Variants in DPP10 observed in about 807,000 individuals in gnomAD.
The protein encoded by DPP10 is dipeptidyl peptidase like 10.
In DPP10, 33 loss-of-function variants were observed where a neutral mutation model predicts 120.9. The observed-to-expected ratio is 0.27, with a 90% CI of 0.21 to 0.37. DPP10 has a LOEUF of 0.37. Among genes scored for constraint, DPP10 ranks in the 10% least tolerant of loss-of-function variants. The probability of loss-of-function intolerance (pLI) is 1.00; values close to 1 mark genes in which losing one functional copy is unlikely to be tolerated. For synonymous variants in DPP10, 337 were observed against 326.1 expected, an observed-to-expected ratio of 1.03 and a Z score of -0.36; for missense variants, 816 against 942.8, an observed-to-expected ratio of 0.87 and a Z score of 1.76.
intron 1 of DPP10, among the ~76,000 whole-genome samples, chr2:114,633,596 T>C (rs2105388581): frequency 6.6e-6 from 1 of 151,454 alleles, no homozygotes; most frequent in South Asian, 2.1e-4. Flanking sequence ...TAACTTTTTG[T>C]GGATTTTATT....
intron 3 of DPP10, among the ~76,000 whole-genome samples, chr2:115,348,033 C>G (rs982945310): frequency 6.6e-6 from 1 of 151,976 alleles, no homozygotes; most frequent in Non-Finnish European, 1.5e-5. Context: ...AATCTGGTTT[C>G]TATTACTTGC....
At chr2:115,607,403 A>G (rs994456398) in intron 5 of DPP10, among the ~76,000 whole-genome samples, 2 of 152,220 alleles carry the variant, frequency 1.3e-5, no homozygotes, top group Admixed American at 6.5e-5. Flanking sequence ...ACACAGATAT[A>G]TAGGGAGAGA....
intron 1 of DPP10, among the ~76,000 whole-genome samples, chr2:114,620,670 C>T (rs899372258): frequency 1.3e-5 from 2 of 151,986 alleles, no homozygotes; most frequent in Non-Finnish European, 2.9e-5. Flanking sequence ...AGAGTATATT[C>T]AGAGAGTTTC....
chr2:115,803,401 C>T (rs139044592), intron 19 of DPP10, among the ~76,000 whole-genome samples: 12,249 of 152,084 alleles, frequency 0.081, 655 homozygotes, highest in Non-Finnish European at 0.12. Context: ...ACAGTCTGTG[C>T]CTTTTAATTG....
intron 1 of DPP10, among the ~76,000 whole-genome samples, chr2:114,917,861 GA>G (rs1694919305): frequency 6.6e-6 from 1 of 152,004 alleles, no homozygotes; most frequent in Non-Finnish European, 1.5e-5. Context: ...ATTCCTAGGA[GA>G]AAACCTAGGA....
chr2:115,530,055 T>C (rs2078367713), intron 5 of DPP10, among the ~76,000 whole-genome samples: 1 of 152,130 alleles, frequency 6.6e-6, no homozygotes, highest in South Asian at 2.1e-4. Flanking sequence ...ATTCTTATGG[T>C]CTTTTTTTTC....
intron 1 of DPP10, among the ~76,000 whole-genome samples, chr2:114,969,187 C>T (rs188388103): frequency 6.6e-6 from 1 of 152,312 alleles, no homozygotes; most frequent in East Asian, 1.9e-4. Context: ...ATGTCATATA[C>T]TTGTCACACA....
At chr2:115,778,826 A>G (rs545604086) in intron 15 of DPP10, among the ~76,000 whole-genome samples, 1 of 152,090 alleles carries the variant, frequency 6.6e-6, no homozygotes, top group African/African-American at 2.4e-5. Context: ...CATTATTATA[A>G]GTTTATTCTC....
intron 5 of DPP10, among the ~76,000 whole-genome samples, chr2:115,603,570 G>GTTTT (rs61548055): frequency 1.0e-4 from 10 of 99,292 alleles, no homozygotes; most frequent in African/African-American, 1.6e-4. Flanking sequence ...GTTTTTTTTT[G>GTTTT]TTTTTTTTTT....
intron 1 of DPP10, among the ~76,000 whole-genome samples, chr2:114,729,185 G>A (rs1350537374): frequency 6.6e-6 from 1 of 152,242 alleles, no homozygotes; most frequent in Non-Finnish European, 1.5e-5. Flanking sequence ...AATACTTGCT[G>A]AGTACCTAAT....
intron 1 of DPP10, among the ~76,000 whole-genome samples, chr2:115,246,849 A>G (rs751379590): frequency 1.1e-4 from 17 of 152,156 alleles, no homozygotes; most frequent in Non-Finnish European, 2.1e-4. Flanking sequence ...AGAGGGTTGA[A>G]GAAAATCAAA....
intron 3 of DPP10, among the ~76,000 whole-genome samples, chr2:115,480,936 T>A (rs1462400009): frequency 6.6e-6 from 1 of 152,146 alleles, no homozygotes; most frequent in Admixed American, 6.6e-5. Context: ...GATCTTTAGC[T>A]CTTGCATAAA....
intron 5 of DPP10, among the ~76,000 whole-genome samples, chr2:115,545,920 GT>G: frequency 6.6e-6 from 1 of 152,112 alleles, no homozygotes; most frequent in Non-Finnish European, 1.5e-5. Context: ...AGATGTCATG[GT>G]CCCCCCTTTA....
chr2:115,289,038 G>GAAAACCCT (rs1160143692), intron 1 of DPP10, among the ~76,000 whole-genome samples: 2 of 152,046 alleles, frequency 1.3e-5, no homozygotes, highest in African/African-American at 4.8e-5. Flanking sequence ...CTTGTACCCA[G>GAAAACCCT]AAAACCCTAA....
At chr2:115,006,703 C>T (rs1406927018) in intron 1 of DPP10, among the ~76,000 whole-genome samples, 3 of 151,590 alleles carry the variant, frequency 2.0e-5, no homozygotes, top group Non-Finnish European at 2.9e-5. Flanking sequence ...TACAGGAGCA[C>T]CCAGATTCAT....
chr2:115,052,268 G>A (rs904887766), intron 1 of DPP10, among the ~76,000 whole-genome samples: 1 of 152,018 alleles, frequency 6.6e-6, no homozygotes, highest in Non-Finnish European at 1.5e-5. Context: ...TTTGAATTAG[G>A]TAGTGGTTTC....
intron 5 of DPP10, among the ~76,000 whole-genome samples, chr2:115,624,107 T>C (rs1009050005): frequency 1.3e-5 from 2 of 152,110 alleles, no homozygotes; most frequent in Admixed American, 6.6e-5. Context: ...CTGTCTTTCA[T>C]ATTTGTCTTT....
chr2:115,008,736 AAAAC>A lies in DPP10; in HGVS notation c.61-300496_61-300493del, dbSNP rs1203154184. On this transcript the variant is annotated intron_variant, in intron 1 of 25. Coordinates refer to ENST00000410059, the MANE Select transcript of DPP10 (RefSeq NM_020868.6). ...TGAACTCAAACACATTTACAAGAAA[AAAAC>A]AAACAACCCCATCAAAAAGTGGGCG... 3.8e-3 allele frequency among the ~76,000 whole-genome samples: 394 copies of A among 103,570 alleles called. 3 individuals carry two copies. Among genetic ancestry groups the A allele is most frequent in the African/African-American group, 0.013 (380 of 29,758 alleles). 67.9% of individuals were successfully genotyped at this position (103,570 alleles called of 152,430 possible). A position where few individuals can be genotyped will look rare whatever the true frequency, so the allele number is the denominator to read the frequency against.
intron 1 of DPP10, among the ~76,000 whole-genome samples, chr2:115,040,777 C>A (rs1166316943): frequency 1.3e-5 from 2 of 152,072 alleles, no homozygotes; most frequent in African/African-American, 4.8e-5. Flanking sequence ...CCTGTATGGG[C>A]CATGTAAGAT....
Sources: gnomAD v4.1 joint callset for allele counts (sites outside exome capture counted in the v4.1 genomes callset) on GRCh38, gnomAD v4.1.1 for gene constraint, MANE v1.5 for transcripts, NCBI Gene and HGNC (gene_info 2026-07-23, HGNC 2026-07-21) for gene names.